TMEM232: variants seen among roughly 807,000 people sequenced by gnomAD.
The protein encoded by TMEM232 is transmembrane protein 232.
TMEM232 carries 80 observed loss-of-function variants against 78.8 expected under a neutral mutation model. The observed-to-expected ratio is 1.01, with a 90% confidence interval of 0.85 to 1.22. The LOEUF (loss-of-function observed/expected upper bound fraction) is 1.22. TMEM232 is among the 50% of genes most tolerant of loss of function. The pLI is 0.00. For missense variants in TMEM232, 881 were observed against 742.2 expected, an observed-to-expected ratio of 1.19 and a Z score of -2.17; for synonymous variants, 297 against 254.3, an observed-to-expected ratio of 1.17 and a Z score of -1.60.
intron 12 of TMEM232, among the ~76,000 whole-genome samples, chr5:110,500,584 A>C: frequency 6.6e-6 from 1 of 152,170 alleles, no homozygotes; most frequent in East Asian, 1.9e-4. Context: ...GAAATGAATA[A>C]GTTTTTAATT....
At chr5:110,660,301 T>G (rs894187922) in intron 2 of TMEM232, among the ~76,000 whole-genome samples, 2 of 151,954 alleles carry the variant, frequency 1.3e-5, no homozygotes, top group African/African-American at 4.8e-5. Context: ...GAAAAAAGAA[T>G]AAAAGTAATA....
intron 1 of TMEM232, among the ~76,000 whole-genome samples, chr5:110,702,311 T>A (rs777086835): frequency 6.6e-6 from 1 of 152,056 alleles, no homozygotes; most frequent in Non-Finnish European, 1.5e-5. Flanking sequence ...TTTCTTATAA[T>A]AATCTATTGG....
At chr5:110,513,728 T>C (rs1581017271) in intron 12 of TMEM232, 1 of 162,838 alleles carries the variant, frequency 6.1e-6, no homozygotes, top group South Asian at 2.1e-4. Context: ...GGAATGCTTA[T>C]ACATTATTGG....
chr5:110,628,977 G>C (rs1337074944), intron 5 of TMEM232: 4 of 151,830 alleles, frequency 2.6e-5, no homozygotes, highest in African/African-American at 7.3e-5. Context: ...ATTTATAAAT[G>C]TATTCATAAA....
chr5:110,634,086 T>G (rs1785495547), intron 5 of TMEM232, among the ~76,000 whole-genome samples: 1 of 151,524 alleles, frequency 6.6e-6, no homozygotes, highest in Admixed American at 6.6e-5. Context: ...TCAAAAAAGG[T>G]TTTAAAAAAA....
At chr5:110,695,290 C>T (rs547325358) in intron 1 of TMEM232, among the ~76,000 whole-genome samples, 1,556 of 152,200 alleles carry the variant, frequency 0.01, 15 homozygotes, top group African/African-American at 0.034. Context: ...ATCTCTGGGA[C>T]GCATTCAAAG....
At chr5:110,712,148 A>G (rs1219314386) in intron 1 of TMEM232, among the ~76,000 whole-genome samples, 5 of 151,518 alleles carry the variant, frequency 3.3e-5, no homozygotes, top group Non-Finnish European at 5.9e-5. Flanking sequence ...TGAAACTACT[A>G]CAAGAAAACC....
At chr5:110,663,974 CA>C (rs1468036481) in intron 2 of TMEM232, among the ~76,000 whole-genome samples, 8 of 151,872 alleles carry the variant, frequency 5.3e-5, no homozygotes, top group East Asian at 3.9e-4. Flanking sequence ...TCCATCACTA[CA>C]AAAAAAATTT....
chr5:110,450,281 TA>T (rs1191051871), intron 12 of TMEM232, among the ~76,000 whole-genome samples: 1 of 152,146 alleles, frequency 6.6e-6, no homozygotes, highest in Non-Finnish European at 1.5e-5. Flanking sequence ...CTAATGCAAT[TA>T]TTTTTTAGCT....
chr5:110,610,751 A>C (rs1175069050), intron 8 of TMEM232, among the ~76,000 whole-genome samples: 1 of 152,166 alleles, frequency 6.6e-6, no homozygotes, highest in East Asian at 1.9e-4. Context: ...GAAACAACAT[A>C]GCAACATTTA....
At chr5:110,496,817 G>T (rs1303250096) in intron 12 of TMEM232, among the ~76,000 whole-genome samples, 1 of 151,886 alleles carries the variant, frequency 6.6e-6, no homozygotes, top group Non-Finnish European at 1.5e-5. Flanking sequence ...TACTTTATCT[G>T]TTTGATCCTA....
chr5:110,540,644 C>A (rs79809497), intron 11 of TMEM232, among the ~76,000 whole-genome samples: 1,631 of 152,286 alleles, frequency 0.011, 28 homozygotes, highest in African/African-American at 0.037. Context: ...ATAGGGAGCA[C>A]TGGAGCTGGA....
intron 12 of TMEM232, among the ~76,000 whole-genome samples, chr5:110,430,375 G>A (rs1181388872): frequency 6.7e-6 from 1 of 149,938 alleles, no homozygotes; most frequent in African/African-American, 2.5e-5. Flanking sequence ...TTTGTTCTCA[G>A]AGCCCAAATA....
chr5:110,505,327 G>T (rs2149451887), intron 12 of TMEM232, among the ~76,000 whole-genome samples: 1 of 152,236 alleles, frequency 6.6e-6, no homozygotes, highest in East Asian at 1.9e-4. Context: ...ATCATAGGTG[G>T]AAGTGAACTC....
intron 11 of TMEM232, among the ~76,000 whole-genome samples, chr5:110,553,317 G>C (rs560940037): frequency 6.6e-6 from 1 of 152,074 alleles, no homozygotes; most frequent in East Asian, 1.9e-4. Context: ...ATATTGCTTT[G>C]GGCAGTATGG....
At chr5:110,572,646 T>C (rs1393006407) in intron 10 of TMEM232, among the ~76,000 whole-genome samples, 1 of 152,040 alleles carries the variant, frequency 6.6e-6, no homozygotes, top group African/African-American at 2.4e-5. Flanking sequence ...AACCATAAAA[T>C]ATATTCTGAT....
At chr5:110,435,283 A>G (rs531298559) in intron 12 of TMEM232, among the ~76,000 whole-genome samples, 23 of 151,862 alleles carry the variant, frequency 1.5e-4, no homozygotes, top group Non-Finnish European at 3.1e-4. Flanking sequence ...AAGTTTTTTA[A>G]TGTTTAAAAA....
chr5:110,519,478 T>C (rs1769176277), intron 12 of TMEM232, among the ~76,000 whole-genome samples: 1 of 152,124 alleles, frequency 6.6e-6, no homozygotes, highest in Non-Finnish European at 1.5e-5. Context: ...ATGATGAATG[T>C]TGGTGAGGAT....
At chr5:110,673,427 C>A (rs184146710) in intron 1 of TMEM232, among the ~76,000 whole-genome samples, 2 of 150,774 alleles carry the variant, frequency 1.3e-5, no homozygotes, top group Non-Finnish European at 3.0e-5. Flanking sequence ...ATGTTGTGCA[C>A]ATGTACCCTA....
Sources: gnomAD v4.1 joint callset for allele counts (sites outside exome capture counted in the v4.1 genomes callset) on GRCh38, gnomAD v4.1.1 for gene constraint, MANE v1.5 for transcripts, NCBI Gene and HGNC (gene_info 2026-07-23, HGNC 2026-07-21) for gene names.